The following ARHGEF10 variants were observed in gnomAD, a reference collection of about 807,000 sequenced individuals.
ARHGEF10 encodes the protein Rho guanine nucleotide exchange factor (GEF) 10.
A neutral mutation model predicts 147.4 loss-of-function variants in ARHGEF10; 140 were observed. The ratio of observed to expected loss-of-function variants is 0.95; its 90% CI spans 0.83 to 1.09. The LOEUF (loss-of-function observed/expected upper bound fraction) is 1.09. Among genes scored for constraint, ARHGEF10 ranks in the 50% least tolerant of loss-of-function variants. The pLI is 0.00. For synonymous variants in ARHGEF10, 902 were observed against 695.8 expected, an observed-to-expected ratio of 1.30 and a Z score of -4.67; for missense variants, 2,222 against 1,752.7, an observed-to-expected ratio of 1.27 and a Z score of -4.78.
chr8:1,884,308 A>G (rs1808468055), intron 10 of ARHGEF10, among the ~76,000 whole-genome samples: 1 of 151,886 alleles, frequency 6.6e-6, no homozygotes, highest in Non-Finnish European at 1.5e-5. Flanking sequence ...AGGCAGGAGA[A>G]TGGCGTGAAC....
chr8:1,871,783 C>T (rs1807150737), intron 7 of ARHGEF10, among the ~76,000 whole-genome samples: 1 of 152,166 alleles, frequency 6.6e-6, no homozygotes, highest in African/African-American at 2.4e-5. Flanking sequence ...CACCACTACA[C>T]TCCAGCCTGG....
intron 18 of ARHGEF10, among the ~76,000 whole-genome samples, chr8:1,920,274 A>G (rs1812181181): frequency 6.6e-6 from 1 of 152,256 alleles, no homozygotes; most frequent in Non-Finnish European, 1.5e-5. Context: ...ATTTTAAAAG[A>G]AGTCAACTAA....
rs764859351 is a variant in ARHGEF10, at chr8:1,858,043, G to T, written c.121G>T (p.Glu41Ter). Residue 41 changes from glutamate to a stop codon, truncating the protein, a stop_gained, in exon 3 of 29, where the codon GAA becomes TAA. Transcript: ENST00000349830. LOFTEE classifies it high-confidence loss of function. ...FDFDSGDEIPEADRQAPSAPE... is the reference protein window; with the variant it reads ...FDFDSGDEIP ...TTTTGACAGTGGAGATGAAATCCCAGAAGCGGACAGACAGGCCCCATCCGC... is the reference window on the plus strand; with the variant it reads ...TTTTGACAGTGGAGATGAAATCCCATAAGCGGACAGACAGGCCCCATCCGC... 6.2e-7 allele frequency: 1 copy of T among 1,614,182 alleles called. No individual in the cohort carries two copies. Among genetic ancestry groups the T allele is most frequent in the Admixed American group, 1.7e-5 (1 of 60,024 alleles).
intron 14 of ARHGEF10, among the ~76,000 whole-genome samples, chr8:1,897,494 C>T (rs995498883): frequency 1.3e-5 from 2 of 149,540 alleles, no homozygotes; most frequent in Non-Finnish European, 3.0e-5. Flanking sequence ...ATCGCAGTTC[C>T]CCCTCTGGAC....
rs539187109 is a variant in ARHGEF10 at position 1,933,766 on chromosome 8, T to C, written c.3080-34T>C. The C allele has an allele frequency of 9.9e-6, 16 of 1,614,046 alleles. No homozygotes were observed. In the South Asian group the frequency reaches 1.8e-4, roughly 18 times the overall value. On this transcript the variant is annotated intron_variant, in intron 25 of 28. Transcript: ENST00000349830. ...TTTCCCATTCCTGTGCACAGAAAAC[T>C]GAACTTGAATGAAATGAAATATTTT...
At chr8:1,830,160 C>G (rs1490314359) in intron 1 of ARHGEF10, among the ~76,000 whole-genome samples, 1 of 152,202 alleles carries the variant, frequency 6.6e-6, no homozygotes. Flanking sequence ...GAGTATCAGA[C>G]GAAGGCAGGG....
At chr8:1,840,414 C>T (rs1803931443) in intron 1 of ARHGEF10, among the ~76,000 whole-genome samples, 1 of 138,276 alleles carries the variant, frequency 7.2e-6, no homozygotes, top group Admixed American at 7.5e-5. Context: ...TGGGGACTGT[C>T]TGGTGTGGAA....
intron 13 of ARHGEF10, 84 bp downstream of exon 13, chr8:1,894,656 C>G: frequency 1.4e-6 from 2 of 1,475,522 alleles, no homozygotes; most frequent in Non-Finnish European, 1.9e-6. Context: ...TGTTTTGCCC[C>G]TGATCTCCTG....
chr8:1,857,296 G>C (rs1285475947), intron 2 of ARHGEF10, among the ~76,000 whole-genome samples: 1 of 152,208 alleles, frequency 6.6e-6, no homozygotes, highest in Non-Finnish European at 1.5e-5. Context: ...ATTTCTAAAA[G>C]TAAAGTGGAT....
At position 1,866,545 on chromosome 8, in the gene ARHGEF10, G is replaced by T; in HGVS notation, c.565G>T (p.Glu189Ter). The T allele has an allele frequency of 6.2e-7, 1 of 1,610,822 alleles. No homozygotes were observed. Residue 189 changes from glutamate to a stop codon, truncating the protein, a stop_gained, in exon 6 of 29, where the codon GAG (glutamate) becomes TAG (stop). Transcript: ENST00000349830. LOFTEE classifies it high-confidence loss of function. ...PPTSEDQVGR[E>*]DSALARWAAD... Reference sequence around the variant, plus strand: ...TTTAAGTGAAGATCAAGTCGGTCGAGAGGACAGCGCACTTGCCCGCTGGGC... The same window carrying T: ...TTTAAGTGAAGATCAAGTCGGTCGATAGGACAGCGCACTTGCCCGCTGGGC...
At chr8:1,900,809 G>A (rs980447378) in intron 15 of ARHGEF10, among the ~76,000 whole-genome samples, 7 of 152,212 alleles carry the variant, frequency 4.6e-5, no homozygotes, top group South Asian at 2.1e-4. Context: ...GCAGAGTTAC[G>A]TAGGTCAGTT....
At position 1,832,383 on chromosome 8, in the gene ARHGEF10, CAGAGGCAGAGACAGAG is replaced by C. The variant is rs1803179952; in HGVS notation, c.-48+8281_-48+8296del. Among the ~76,000 whole-genome samples the C allele has an allele frequency of 3.0e-4, 14 of 46,812 alleles. No individual in the cohort carries two copies. The East Asian group carries it at 3.9e-3, about 13-fold the overall frequency. The allele number at this position is 46,812 out of a possible 152,430, so 30.7% of individuals were successfully genotyped here. Reference sequence around the variant, plus strand: ...GCAGAGACAGAGACAGAGACAGAGGCAGAGGCAGAGACAGAGAGAGGCAGAGGCAGAGACAGAGAGA... The same window carrying C: ...GCAGAGACAGAGACAGAGACAGAGGCAGAGGCAGAGGCAGAGACAGAGAGA... On this transcript the variant is annotated intron_variant, in intron 1 of 28. Transcript: ENST00000349830.
chr8:1,877,415 A>G (rs780857168), intron 8 of ARHGEF10, among the ~76,000 whole-genome samples: 14 of 152,082 alleles, frequency 9.2e-5, no homozygotes, highest in Non-Finnish European at 1.8e-4. Context: ...TTTATTAGAG[A>G]TGGGGTTTCC....
intron 5 of ARHGEF10, 148 bp from the exon 6 acceptor site, chr8:1,866,378 A>G: frequency 1.3e-6 from 1 of 749,416 alleles, no homozygotes; most frequent in Non-Finnish European, 2.3e-6. Context: ...AATAGCTGGG[A>G]AAATATGTGA....
intron 15 of ARHGEF10, among the ~76,000 whole-genome samples, chr8:1,900,369 T>C (rs552232000): frequency 7.2e-4 from 110 of 152,236 alleles, no homozygotes; most frequent in African/African-American, 2.5e-3. Context: ...TGTCCCTTTT[T>C]TATGCGCTAG....
intron 1 of ARHGEF10, among the ~76,000 whole-genome samples, chr8:1,833,293 C>G (rs1342309987): frequency 5.1e-5 from 7 of 136,256 alleles, no homozygotes; most frequent in African/African-American, 1.7e-4. Context: ...GAGACAGAAG[C>G]AGAGACAGAG....
chr8:1,927,100 G>C, intron 23 of ARHGEF10: 1 of 160,974 alleles, frequency 6.2e-6, no homozygotes, highest in East Asian at 1.8e-4. Flanking sequence ...GCTCCTGCTT[G>C]GTCAGTGTTC....
intron 15 of ARHGEF10, among the ~76,000 whole-genome samples, chr8:1,900,962 G>A (rs987802141): frequency 3.9e-5 from 6 of 152,144 alleles, no homozygotes; most frequent in South Asian, 2.1e-4. Context: ...TAGATGTGCC[G>A]AGCAGTTTCC....
At chr8:1,902,850 G>T (rs1311240623) in intron 15 of ARHGEF10, among the ~76,000 whole-genome samples, 1 of 152,200 alleles carries the variant, frequency 6.6e-6, no homozygotes, top group African/African-American at 2.4e-5. Context: ...GACACCATGG[G>T]TGCAGTATTC....
Sources: gnomAD v4.1 joint callset for allele counts (sites outside exome capture counted in the v4.1 genomes callset) on GRCh38, gnomAD v4.1.1 for gene constraint, MANE v1.5 for transcripts, NCBI Gene and HGNC (gene_info 2026-07-23, HGNC 2026-07-21) for gene names.